ARHGAP30: variants seen among roughly 807,000 people sequenced by gnomAD.
ARHGAP30 encodes rho GTPase-activating protein 30.
Under a neutral mutation model 72.0 loss-of-function variants are expected in ARHGAP30, and 23 were observed. The observed-to-expected ratio is 0.32, with a 90% CI of 0.23 to 0.45. ARHGAP30 has a LOEUF of 0.45. Ranked by LOEUF, ARHGAP30 falls within the 20% of genes least tolerant of loss-of-function variation. ARHGAP30 has a pLI of 1.00. For missense variants in ARHGAP30, 1,319 were observed against 1,383.4 expected (o/e 0.95, Z 0.74); for synonymous variants, 576 against 528.2 (o/e 1.09, Z -1.24).
rs764053453 is a variant in ARHGAP30 at position 161,051,345 on chromosome 1, G to A, written c.1389C>T (p.Gly463=). The change falls in exon 10 of 12, where the codon GGC becomes GGT. Residue 463 remains glycine (G), a synonymous_variant. Transcript: ENST00000368013. ...GGCCAGGGCCAAGGCCAGGGCCAGG[G>A]CCAGGGCCAGAGGCAGGGCTTGGCC... ...QHRPSPASGP[G]PGPGLGPGPP... 9.9e-6 allele frequency: 16 copies of A among 1,610,936 alleles called. No individual in the cohort carries two copies. Among genetic ancestry groups the A allele is most frequent in the South Asian group, 4.4e-5 (4 of 90,628 alleles).
rs1557940072 is a variant in ARHGAP30, at chr1:161,069,879, C to T, written c.-255G>A. 2 of 544,268 alleles carry T rather than the reference C, an allele frequency of 3.7e-6. No homozygotes were observed. Among genetic ancestry groups the T allele is most frequent in the East Asian group, 6.1e-5 (2 of 32,768 alleles). The allele number at this position is 544,268 out of a possible 1,614,324, so 33.7% of individuals were successfully genotyped here. ...AAATTGTGTCCTGTGTCTCGTGGCCCAGCCTGGCACTCGCCCTCCTCGCCC... is the reference window on the plus strand; with the variant it reads ...AAATTGTGTCCTGTGTCTCGTGGCCTAGCCTGGCACTCGCCCTCCTCGCCC... On this transcript the variant is annotated 5_prime_UTR_variant, in exon 1 of 12. Transcript: ENST00000368013. The surrounding 1 kb of genome is among the most constrained non-coding windows in gnomAD (Gnocchi z 4.9).
In ARHGAP30 at chr1:161,069,546, G is replaced by A; in HGVS notation, c.79C>T (p.Gln27Ter). The stretch of plus-strand genomic sequence containing the variant: ...TCCTTACCCTCCTGGCCTGAGTGCT[G>A]CAGGTGCTCCTGCAAGTCGCACCCA... ...VFGCDLQEHL[Q>*]HSGQEVPQVL... Residue 27 changes from glutamine to a stop codon, truncating the protein, a stop_gained, in exon 1 of 12, where the codon CAG becomes TAG. Transcript: ENST00000368013. LOFTEE classifies it high-confidence loss of function. The surrounding 1 kb of genome is among the most constrained non-coding windows in gnomAD (Gnocchi z 4.9). 1.2e-6 allele frequency: 2 copies of A among 1,610,858 alleles called. No homozygotes were observed. Among genetic ancestry groups the A allele is most frequent in the Non-Finnish European group, 1.7e-6 (2 of 1,179,980 alleles).
intron 9 of ARHGAP30, among the ~76,000 whole-genome samples, chr1:161,052,032 A>ACATAC (rs1651430755): frequency 1.3e-5 from 1 of 76,654 alleles, no homozygotes; most frequent in African/African-American, 5.2e-5. Context: ...CACCACCACC[A>ACATAC]CCACCACCAC....
chr1:161,059,725 A>G lies in ARHGAP30; in HGVS notation c.98-9T>C. ...CTTTAGCACCTGGGGCACTGGGGAC[A>G]CAGACGGGGCAGAGACATAGAAATC... On this transcript the variant is annotated splice_polypyrimidine_tract_variant and intron_variant, in intron 1 of 11. Coordinates refer to ENST00000368013, the MANE Select transcript of ARHGAP30 (RefSeq NM_001025598.2). 2 of 1,610,054 alleles carry G rather than the reference A, an allele frequency of 1.2e-6. No individual in the cohort carries two copies. The highest frequency in any genetic ancestry group is 1.7e-6 in the Non-Finnish European group (2 of 1,177,268).
At position 161,048,593 on chromosome 1, in the gene ARHGAP30, C is replaced by A. The variant is rs762297387; in HGVS notation, c.2428G>T (p.Ala810Ser). Residue 810 changes from alanine to serine, a missense_variant, in exon 12 of 12, where the codon GCA (alanine) becomes TCA (serine). This residue lies in a region of ARHGAP30 where 1,097 missense variants were observed against 1,045.2 expected (regional missense o/e 1.05). Transcript: ENST00000368013. ...TCACCATCTCCTTGGTCTTTTCTTG[C>A]TTCATGGTACCCCTTCTCCCTCTGT... ...KGQREKGYHEARKDQGDGEDS... is the reference protein window; with the variant it reads ...KGQREKGYHESRKDQGDGEDS... 6.2e-7 allele frequency: 1 copy of A among 1,613,990 alleles called. No individual in the cohort carries two copies. The highest frequency in any genetic ancestry group is 1.3e-5 in the African/African-American group (1 of 74,878).
At chr1:161,059,444 C>T (rs1652158346) in intron 2 of ARHGAP30, among the ~76,000 whole-genome samples, 170 bp downstream of exon 2, 1 of 151,574 alleles carries the variant, frequency 6.6e-6, no homozygotes, top group Admixed American at 6.6e-5. Context: ...TGGTCTCCAC[C>T]TTCCCTGAGG....
At position 161,047,554 on chromosome 1, in the gene ARHGAP30, A is replaced by G. The variant is rs905502789; in HGVS notation, c.*161T>C. On this transcript the variant is annotated 3_prime_UTR_variant, in exon 12 of 12. Transcript: ENST00000368013. ...GTCGGAGACAAGTTCAGGTAAACCAACCAAGGCAGTGCCTCCCACAGTCAA... is the reference window on the plus strand; with the variant it reads ...GTCGGAGACAAGTTCAGGTAAACCAGCCAAGGCAGTGCCTCCCACAGTCAA... 7.6e-6 allele frequency: 5 copies of G among 660,598 alleles called. No homozygotes were observed. The highest frequency in any genetic ancestry group is 1.9e-5 in the African/African-American group (1 of 53,598). 40.9% of individuals were successfully genotyped at this position (660,598 alleles called of 1,614,324 possible). A position where few individuals can be genotyped will look rare whatever the true frequency, so the allele number is the denominator to read the frequency against.
chr1:161,051,433 A>G lies in ARHGAP30; in HGVS notation c.1301T>C (p.Ile434Thr). The change falls in exon 10 of 12, where the codon ATC (isoleucine) becomes ACC (threonine). Residue 434 changes from isoleucine to threonine, a missense_variant. Transcript: ENST00000368013. ...ITSILSVPPN[I>T]ISNVSLARLT... ...CCTGGCCAAGGAAACGTTAGAGATG[A>G]TGTTCGGGGGCACACTGAGGATAGA... 1 of 1,614,212 alleles carries G rather than the reference A, an allele frequency of 6.2e-7. No homozygotes were observed. Among genetic ancestry groups the G allele is most frequent in the Non-Finnish European group, 8.5e-7 (1 of 1,180,028 alleles).
chr1:161,059,795 A>C, intron 1 of ARHGAP30, 79 bp from the exon 2 acceptor site: 2 of 1,236,672 alleles, frequency 1.6e-6, no homozygotes, highest in South Asian at 1.4e-5. Context: ...TGAGAAATGG[A>C]ATTTGGGGAG....
chr1:161,048,195 G>A lies in ARHGAP30; in HGVS notation c.2826C>T (p.Pro942=), dbSNP rs766101307. ...QQVRSVPVVP[P]KPQFAKMPSA... The stretch of plus-strand genomic sequence containing the variant: ...TGGGCATCTTGGCAAACTGTGGCTT[G>A]GGGGGCACCACAGGCACAGAGCGGA... Residue 942 remains proline, a synonymous_variant, in exon 12 of 12, where the codon CCC becomes CCT. Transcript: ENST00000368013. 4.3e-6 allele frequency: 7 copies of A among 1,613,880 alleles called. No individual in the cohort carries two copies. The African/African-American group carries it at 6.7e-5, about 15-fold the overall frequency.
At position 161,064,859 on chromosome 1, in the gene ARHGAP30, G is replaced by A. The variant is rs1382743570; in HGVS notation, c.97+4669C>T. Among the ~76,000 whole-genome samples, 2 of 95,530 alleles carry A rather than the reference G, an allele frequency of 2.1e-5. 1 individual carries two copies. The highest frequency in any genetic ancestry group is 5.3e-5 in the Non-Finnish European group (2 of 37,616). The allele number at this position is 95,530 out of a possible 152,430, so 62.7% of individuals were successfully genotyped here. Reference sequence around the variant, plus strand: ...AAAGAAAGAAAGAAAGGAAAGGAAGGAGAGGAAGGAGAGGAAGGAGAGAAA... The same window carrying A: ...AAAGAAAGAAAGAAAGGAAAGGAAGAAGAGGAAGGAGAGGAAGGAGAGAAA... On this transcript the variant is annotated intron_variant, in intron 1 of 11. Coordinates refer to ENST00000368013, the MANE Select transcript of ARHGAP30 (RefSeq NM_001025598.2).
At chr1:161,064,495 A>G (rs1056135005) in intron 1 of ARHGAP30, among the ~76,000 whole-genome samples, 8 of 152,164 alleles carry the variant, frequency 5.3e-5, no homozygotes, top group Admixed American at 5.2e-4. Flanking sequence ...ATGGCAGCTC[A>G]TGCCTGTAAT....
Position 161,054,667 on chromosome 1 carries a change from G to C in ARHGAP30, c.384C>G (p.Val128=). 1.2e-6 allele frequency: 2 copies of C among 1,614,008 alleles called. No homozygotes were observed. The highest frequency in any genetic ancestry group is 1.7e-6 in the Non-Finnish European group (2 of 1,180,010). ...VGVQLEPERL[V]KILEVLRELP... ...GTTCCCGAAGCACCTCTAGGATCTT[G>C]ACCAAGCGCTCAGGTTCCAATTGCA... is the stretch of plus-strand genomic sequence containing the variant. Residue 128 remains valine (V), a synonymous_variant, in exon 4 of 12, where the codon GTC becomes GTG. Transcript: ENST00000368013.
At position 161,052,427 on chromosome 1, in the gene ARHGAP30, T is replaced by A. The variant is rs185432404; in HGVS notation, c.940+13A>T. The A allele has an allele frequency of 6.2e-6, 10 of 1,611,950 alleles. No homozygotes were observed. Among genetic ancestry groups the A allele is most frequent in the Non-Finnish European group, 8.5e-6 (10 of 1,179,266 alleles). On this transcript the variant is annotated intron_variant, in intron 8 of 11. Transcript: ENST00000368013. ...CACCCTCAGCAGAGCTCCCCCCATC[T>A]CCCCAGACTTACCCCTGTCCTCAGC...
Position 161,047,562 on chromosome 1 carries a change from A to T in ARHGAP30, c.*153T>A, listed in dbSNP as rs1650941851. 2 of 713,828 alleles carry T rather than the reference A, an allele frequency of 2.8e-6. No homozygotes were observed. The highest frequency in any genetic ancestry group is 7.3e-5 in the Admixed American group (2 of 27,454). 44.2% of individuals were successfully genotyped at this position (713,828 alleles called of 1,614,324 possible). On this transcript the variant is annotated 3_prime_UTR_variant, in exon 12 of 12. Transcript: ENST00000368013. ...CAAGTTCAGGTAAACCAACCAAGGC[A>T]GTGCCTCCCACAGTCAAAGAGAGAA... is the stretch of plus-strand genomic sequence containing the variant.
At chr1:161,061,313 G>A (rs530146911) in intron 1 of ARHGAP30, among the ~76,000 whole-genome samples, 14 of 151,836 alleles carry the variant, frequency 9.2e-5, no homozygotes, top group African/African-American at 2.7e-4. Flanking sequence ...TTACAGACAC[G>A]CGCCACCACG....
At chr1:161,053,903 A>AC (rs1314022477) in intron 5 of ARHGAP30, among the ~76,000 whole-genome samples, 5 of 152,148 alleles carry the variant, frequency 3.3e-5, no homozygotes, top group Non-Finnish European at 7.3e-5. Flanking sequence ...CCTTCTCTCT[A>AC]CTAAAAATAC....
chr1:161,068,531 G>C (rs1008033237), intron 1 of ARHGAP30, among the ~76,000 whole-genome samples: 2 of 152,258 alleles, frequency 1.3e-5, no homozygotes, highest in African/African-American at 4.8e-5. Context: ...GAGCAGAGGA[G>C]GGGACAAAGA....
At chr1:161,050,978 GTATTGATGTTAC>G (rs1178034782) in intron 10 of ARHGAP30, among the ~76,000 whole-genome samples, 1 of 152,198 alleles carries the variant, frequency 6.6e-6, no homozygotes, top group African/African-American at 2.4e-5. Flanking sequence ...TTAGCTGATA[GTATTGATGTTAC>G]TATTATTGTT....
Sources: gnomAD v4.1 joint callset for allele counts (sites outside exome capture counted in the v4.1 genomes callset) on GRCh38, gnomAD v4.1.1 for gene constraint, gnomAD v4.1.1 regional missense constraint, Gnocchi (gnomAD v3.1) non-coding constraint, MANE v1.5 for transcripts, NCBI Gene and HGNC (gene_info 2026-07-23, HGNC 2026-07-21) for gene names.